The following XIRP1 variants were observed in gnomAD, a reference collection of about 807,000 sequenced individuals.
XIRP1 encodes xin actin binding repeat containing 1.
For synonymous variants in XIRP1, 984 were observed against 947.0 expected, an observed-to-expected ratio of 1.04 and a Z score of -0.72; for missense variants, 2,378 against 2,345.4, an observed-to-expected ratio of 1.01 and a Z score of -0.29.
rs749599115 is a variant in XIRP1 at position 39,187,843 on chromosome 3, G to A, written c.1603C>T (p.Arg535Trp). 8.7e-6 allele frequency: 14 copies of A among 1,614,060 alleles called. No individual in the cohort carries two copies. The highest frequency in any genetic ancestry group is 3.3e-5 in the South Asian group (3 of 91,074). The change falls in exon 2 of 2, where the codon CGG becomes TGG. Residue 535 changes from arginine to tryptophan, a missense_variant. By Grantham distance (101) the Arg-to-Trp change is moderately radical. Coordinates refer to ENST00000340369, the MANE Select transcript of XIRP1 (RefSeq NM_194293.4). ...GRSPSTIDVVRGITRQEVVAG... is the reference protein window; with the variant it reads ...GRSPSTIDVVWGITRQEVVAG... ...ACCACTTCCTGCCGGGTGATGCCCC[G>A]CACCACGTCGATGGTACTGGGGCTT... is the stretch of plus-strand genomic sequence containing the variant.
At position 39,184,951 on chromosome 3, in the gene XIRP1, C is replaced by T. The variant is rs369082457; in HGVS notation, c.4495G>A (p.Glu1499Lys). The T allele has an allele frequency of 6.2e-5, 96 of 1,554,786 alleles. No individual in the cohort carries two copies. The Middle Eastern group carries it at 7.0e-4, about 11-fold the overall frequency. Residue 1499 changes from glutamate to lysine, a missense_variant, in exon 2 of 2, where the codon GAG becomes AAG. Glu to Lys is a moderately conservative substitution (Grantham distance 56). Coordinates refer to ENST00000340369, the MANE Select transcript of XIRP1 (RefSeq NM_194293.4). ...GCCCCTCCCAGCTGGGGCACGGCCT[C>T]AAAGAGCCTCCGCAGGGCCTGCACG... is the stretch of plus-strand genomic sequence containing the variant. The part of the protein sequence containing the change: ...VDVQALRRLF[E>K]AVPQLGGAAP...
In XIRP1 at chr3:39,184,184, C is replaced by T. The variant is rs1479280945; in HGVS notation, c.5262G>A (p.Thr1754=). Residue 1754 remains threonine (T), a synonymous_variant, in exon 2 of 2, where the codon ACG becomes ACA. Coordinates refer to ENST00000340369, the MANE Select transcript of XIRP1 (RefSeq NM_194293.4). The part of the protein sequence containing the change: ...GWQKSVLELQ[T]GPGSSQHYGA... ...CATAGTGTTGTGAGCTCCCTGGCCCCGTCTGTAGCTCCAGAACACTCTTTT... is the reference window on the plus strand; with the variant it reads ...CATAGTGTTGTGAGCTCCCTGGCCCTGTCTGTAGCTCCAGAACACTCTTTT... The T allele has an allele frequency of 3.7e-6, 6 of 1,614,034 alleles. No individual in the cohort carries two copies. In the East Asian group the frequency reaches 6.7e-5, roughly 18 times the overall value.
Position 39,185,885 on chromosome 3 carries a change from C to A in XIRP1, c.3561G>T (p.Gln1187His). The change falls in exon 2 of 2, where the codon CAG becomes CAT. Residue 1187 changes from glutamine (Q) to histidine (H), a missense_variant. Coordinates refer to ENST00000340369, the MANE Select transcript of XIRP1 (RefSeq NM_194293.4). Reference sequence around the variant, plus strand: ...GCTCCTCCCGCCCTGGCCCAGTACTCTGACCTGGGCCTCCCTGGAGTGGGC... The same window carrying A: ...GCTCCTCCCGCCCTGGCCCAGTACTATGACCTGGGCCTCCCTGGAGTGGGC... ...APRPLQGGPG[Q>H]STGPGREEPG... is the part of the protein sequence containing the mutation. The A allele has an allele frequency of 6.2e-7, 1 of 1,613,494 alleles. No homozygotes were observed. The highest frequency in any genetic ancestry group is 1.1e-5 in the South Asian group (1 of 91,040).
At position 39,184,590 on chromosome 3, in the gene XIRP1, G is replaced by A. The variant is rs752308594; in HGVS notation, c.4856C>T (p.Thr1619Ile). The change falls in exon 2 of 2, where the codon ACT becomes ATT. Residue 1619 changes from threonine (T) to isoleucine (I), a missense_variant. Thr to Ile is a moderately conservative substitution (Grantham distance 89, BLOSUM62 -1). Coordinates refer to ENST00000340369, the MANE Select transcript of XIRP1 (RefSeq NM_194293.4). ...VKNQAKVECH[T>I]EAQSQVKIRN... Reference sequence around the variant, plus strand: ...GATCTTGACTTGACTCTGGGCCTCAGTGTGGCATTCAACCTTGGCTTGGTT... The same window carrying A: ...GATCTTGACTTGACTCTGGGCCTCAATGTGGCATTCAACCTTGGCTTGGTT... 1.2e-6 allele frequency: 2 copies of A among 1,613,910 alleles called. No individual in the cohort carries two copies. Among genetic ancestry groups the A allele is most frequent in the Middle Eastern group, 1.7e-4 (1 of 6,060 alleles).
In XIRP1 at chr3:39,184,346, T is replaced by C. The variant is rs780834979; in HGVS notation, c.5100A>G (p.Gln1700=). 1.7e-5 allele frequency: 27 copies of C among 1,613,994 alleles called. No individual in the cohort carries two copies. Among genetic ancestry groups the C allele is most frequent in the Non-Finnish European group, 2.1e-5 (25 of 1,180,024 alleles). Residue 1700 remains glutamine (Q), a synonymous_variant, in exon 2 of 2, where the codon CAA becomes CAG. Coordinates refer to ENST00000340369, the MANE Select transcript of XIRP1 (RefSeq NM_194293.4). ...GGGCCTGGCCTATGTCCTGAGCCAG[T>C]TGTGTGCTTTTCACTGAGACATCAG... The part of the protein sequence containing the change: ...GNPDVSVKST[Q]LAQDIGQALL...
In XIRP1 at chr3:39,184,418, C is replaced by T. The variant is rs367702095; in HGVS notation, c.5028G>A (p.Gln1676=). 7 of 1,614,052 alleles carry T rather than the reference C, an allele frequency of 4.3e-6. No homozygotes were observed. In the African/African-American group the frequency reaches 8.0e-5, roughly 18 times the overall value. The change falls in exon 2 of 2, where the codon CAG becomes CAA. Residue 1676 remains glutamine, a synonymous_variant. Transcript: ENST00000340369. ...SPSSPTFISI[Q]SATRKPLETP... ...TCTCTAGAGGCTTCCTTGTGGCCGA[C>T]TGGATGGAGATAAATGTTGGGGAGG...
rs367847670 is a variant in XIRP1 at position 39,186,388 on chromosome 3, G to A, written c.3058C>T (p.Gln1020Ter). 90 of 1,614,084 alleles carry A rather than the reference G, an allele frequency of 5.6e-5. No homozygotes were observed. The highest frequency in any genetic ancestry group is 7.5e-5 in the Non-Finnish European group (89 of 1,180,034). The change falls in exon 2 of 2, where the codon CAG becomes TAG. Residue 1020 changes from glutamine (Q) to a stop codon, truncating the protein, a stop_gained. Transcript: ENST00000340369. LOFTEE classifies it low-confidence loss of function (END_TRUNC). ...APAQLQNTEK[Q>*]EDSHSGQKGM... Reference sequence around the variant, plus strand: ...TTCTGTCCAGAGTGACTGTCTTCCTGCTTTTCTGTGTTTTGCAATTGGGCT... The same window carrying A: ...TTCTGTCCAGAGTGACTGTCTTCCTACTTTTCTGTGTTTTGCAATTGGGCT...
chr3:39,189,599 C>A, intron 1 of XIRP1, 74 bp from the exon 2 acceptor site: 1 of 1,194,658 alleles, frequency 8.4e-7, no homozygotes, highest in East Asian at 2.5e-5. Flanking sequence ...GACTCCTTCC[C>A]TCTCTCTATG....
chr3:39,186,458 C>T lies in XIRP1; in HGVS notation c.2988G>A (p.Gln996=). ...RASGATPCPP[Q]AIGKAVPLAG... ...CCAGAGGGACTGCCTTTCCAATGGCCTGAGGAGGGCAAGGGGTGGCCCCTG... is the reference window on the plus strand; with the variant it reads ...CCAGAGGGACTGCCTTTCCAATGGCTTGAGGAGGGCAAGGGGTGGCCCCTG... The change falls in exon 2 of 2, where the codon CAG becomes CAA. Residue 996 remains glutamine (Q), a synonymous_variant. Transcript: ENST00000340369. 1.2e-6 allele frequency: 2 copies of T among 1,614,146 alleles called. No individual in the cohort carries two copies. Among genetic ancestry groups the T allele is most frequent in the South Asian group, 2.2e-5 (2 of 91,090 alleles).
At chr3:39,191,245 C>G (rs182290982) in intron 1 of XIRP1, among the ~76,000 whole-genome samples, 1 of 152,146 alleles carries the variant, frequency 6.6e-6, no homozygotes, top group Non-Finnish European at 1.5e-5. Context: ...CATTTCTGAG[C>G]TCCAATGAGG....
At position 39,187,072 on chromosome 3, in the gene XIRP1, T is replaced by TGAGGATGCCTCCATGGTG; in HGVS notation, c.2356_2373dup (p.His786_Leu791dup). The TGAGGATGCCTCCATGGTG allele has an allele frequency of 6.2e-7, 1 of 1,613,216 alleles. No homozygotes were observed. On this transcript the variant is annotated inframe_insertion, in exon 2 of 2. Coordinates refer to ENST00000340369, the MANE Select transcript of XIRP1 (RefSeq NM_194293.4). ...AGCTCCCCTGGCCCTCGGGCCTCCA[T>TGAGGATGCCTCCATGGTG]GAGGATGCCTCCATGGTGCAGGATG...
At position 39,186,074 on chromosome 3, in the gene XIRP1, C is replaced by T; in HGVS notation, c.3372G>A (p.Glu1124=). 1 of 1,614,148 alleles carries T rather than the reference C, an allele frequency of 6.2e-7. No individual in the cohort carries two copies. The highest frequency in any genetic ancestry group is 1.1e-5 in the South Asian group (1 of 91,086). The change falls in exon 2 of 2, where the codon GAG becomes GAA. Residue 1124 remains glutamate, a synonymous_variant. Coordinates refer to ENST00000340369, the MANE Select transcript of XIRP1 (RefSeq NM_194293.4). ...CAGGCAGCCCTCTGGGTAGTGCTTG[C>T]TCTTCCCTACTGACCTTTCTGGGGG... The part of the protein sequence containing the change: ...PAAPRKVSRE[E]QALPRGLPGG...
rs758443921 is a variant in XIRP1, at chr3:39,189,432, T to C, written c.14A>G (p.Gln5Arg). MADT[Q>R]TQVAPTPTMR... Reference sequence around the variant, plus strand: ...GGTTGGTGTGGGGGCCACCTGTGTCTGGGTGTCGGCCATCCTTCTGAGAAG... The same window carrying C: ...GGTTGGTGTGGGGGCCACCTGTGTCCGGGTGTCGGCCATCCTTCTGAGAAG... The change falls in exon 2 of 2, where the codon CAG (glutamine) becomes CGG (arginine). Residue 5 changes from glutamine (Q) to arginine (R), a missense_variant. By Grantham distance (43) the Gln-to-Arg change is conservative. Transcript: ENST00000340369. The C allele has an allele frequency of 6.3e-7, 1 of 1,591,270 alleles. No individual in the cohort carries two copies. Among genetic ancestry groups the C allele is most frequent in the South Asian group, 1.1e-5 (1 of 87,282 alleles).
chr3:39,184,064 C>T lies in XIRP1; in HGVS notation c.5382G>A (p.Glu1794=), dbSNP rs1483657295. Residue 1794 remains glutamate (E), a synonymous_variant, in exon 2 of 2, where the codon GAG becomes GAA. Coordinates refer to ENST00000340369, the MANE Select transcript of XIRP1 (RefSeq NM_194293.4). ...GGTGGGAGCCTGGGTTCCTGGGTGG[C>T]TCTGCCTGCTCGGTGACTGTGGTGG... ...MSSTTVTEQA[E]PPRNPGSHLG... is the part of the protein sequence containing the mutation. The T allele has an allele frequency of 6.2e-7, 1 of 1,609,922 alleles. No individual in the cohort carries two copies. Among genetic ancestry groups the T allele is most frequent in the Non-Finnish European group, 8.5e-7 (1 of 1,177,208 alleles).
Position 39,185,384 on chromosome 3 carries a change from C to A in XIRP1, c.4062G>T (p.Ser1354=), listed in dbSNP as rs772179158. The A allele has an allele frequency of 2.5e-6, 4 of 1,614,046 alleles. No homozygotes were observed. Among genetic ancestry groups the A allele is most frequent in the Non-Finnish European group, 3.4e-6 (4 of 1,179,964 alleles). Residue 1354 remains serine (S), a synonymous_variant, in exon 2 of 2, where the codon TCG becomes TCT. Transcript: ENST00000340369. Reference sequence around the variant, plus strand: ...GTTGGTGTTCTCTTTGCCCCACCTCCGAGGAAAAGCTGGGAGATAGAGGCA... The same window carrying A: ...GTTGGTGTTCTCTTTGCCCCACCTCAGAGGAAAAGCTGGGAGATAGAGGCA... ...KPLPLSPSFS[S]EVGQREHQRG...
rs1004209790 is a variant in XIRP1 at position 39,188,412 on chromosome 3, T to C, written c.1034A>G (p.Gln345Arg). Reference sequence around the variant, plus strand: ...CGCTCGGGTCTCAAACAGATGCTGCTGCTGCTGAACATCTGGACCAGGTGG... The same window carrying C: ...CGCTCGGGTCTCAAACAGATGCTGCCGCTGCTGAACATCTGGACCAGGTGG... ...LIPPGPDVQQ[Q>R]QHLFETRALD... Residue 345 changes from glutamine to arginine, a missense_variant, in exon 2 of 2, where the codon CAG becomes CGG. Gln to Arg is a conservative substitution (Grantham distance 43). Coordinates refer to ENST00000340369, the MANE Select transcript of XIRP1 (RefSeq NM_194293.4). The C allele has an allele frequency of 3.1e-6, 5 of 1,608,182 alleles. No individual in the cohort carries two copies. The highest frequency in any genetic ancestry group is 3.4e-6 in the Non-Finnish European group (4 of 1,175,384).
At position 39,183,640 on chromosome 3, in the gene XIRP1, C is replaced by T. The variant is rs2039903926; in HGVS notation, c.*274G>A. 2.1e-6 allele frequency: 1 copy of T among 482,706 alleles called. No individual in the cohort carries two copies. Among genetic ancestry groups the T allele is most frequent in the Non-Finnish European group, 3.6e-6 (1 of 276,404 alleles). The allele number at this position is 482,706 out of a possible 1,614,324, so 29.9% of individuals were successfully genotyped here. A position where few individuals can be genotyped will look rare whatever the true frequency, so the allele number is the denominator to read the frequency against. ...GCCTGTGTGAAAAACATGTGTGTGT[C>T]TGTATATATTACATCCTCCACAAGC... is the stretch of plus-strand genomic sequence containing the variant. On this transcript the variant is annotated 3_prime_UTR_variant, in exon 2 of 2. Coordinates refer to ENST00000340369, the MANE Select transcript of XIRP1 (RefSeq NM_194293.4).
At chr3:39,190,958 CCTGGGCTGGTGTCAGGCCCCTGGG>C (rs2040078646) in intron 1 of XIRP1, among the ~76,000 whole-genome samples, 1 of 152,210 alleles carries the variant, frequency 6.6e-6, no homozygotes, top group Non-Finnish European at 1.5e-5. Flanking sequence ...TATCCTGCCT[CCTGGGCTGGTGTCAGGCCCCTGGG>C]CTGCAGGCCA....
At chr3:39,189,710 C>T (rs1343486444) in intron 1 of XIRP1, among the ~76,000 whole-genome samples, 185 bp from the exon 2 acceptor site, 2 of 152,168 alleles carry the variant, frequency 1.3e-5, no homozygotes, top group Non-Finnish European at 2.9e-5. Flanking sequence ...CCTGCTTTCC[C>T]TACATCTCAT....
Sources: allele counts gnomAD v4.1 joint callset (sites outside exome capture counted in the v4.1 genomes callset), GRCh38; gene constraint gnomAD v4.1.1; transcripts MANE v1.5; gene names NCBI Gene and HGNC (gene_info 2026-07-23, HGNC 2026-07-21).